Variants in LRP1B observed in about 807,000 individuals in gnomAD.
LRP1B encodes the protein LDL receptor related protein 1B, also known as low-density lipoprotein receptor-related protein 1B.
Under a neutral mutation model 556.6 loss-of-function variants are expected in LRP1B, and 217 were observed. The observed-to-expected ratio is 0.39, with a 90% CI of 0.35 to 0.44. LRP1B has a LOEUF of 0.44. Among genes scored for constraint, LRP1B ranks in the 20% least tolerant of loss-of-function variants. The probability of loss-of-function intolerance (pLI) is 1.00; values close to 1 mark genes in which losing one functional copy is unlikely to be tolerated. For missense variants in LRP1B, 5,053 were observed against 5,620.8 expected, an observed-to-expected ratio of 0.90 and a Z score of 3.23; for synonymous variants, 2,047 against 1,865.8, an observed-to-expected ratio of 1.10 and a Z score of -2.50.
chr2:140,261,189 A>G (rs1298223239), intron 86 of LRP1B, among the ~76,000 whole-genome samples: 1 of 151,868 alleles, frequency 6.6e-6, no homozygotes, highest in Admixed American at 6.6e-5. Flanking sequence ...TATTTTAGAG[A>G]AATTTTGGAA....
chr2:141,404,109 A>G (rs2104930155), intron 3 of LRP1B, among the ~76,000 whole-genome samples: 1 of 152,334 alleles, frequency 6.6e-6, no homozygotes, highest in Middle Eastern at 3.4e-3. Flanking sequence ...AAGTTAAGAT[A>G]AAAATATGGT....
chr2:140,483,642 T>TATATATA (rs1558913754), intron 59 of LRP1B, among the ~76,000 whole-genome samples: 4 of 61,038 alleles, frequency 6.6e-5, no homozygotes, highest in Non-Finnish European at 6.7e-5. Context: ...ATATATATAT[T>TATATATA]TTTTTTTTTT....
intron 2 of LRP1B, among the ~76,000 whole-genome samples, chr2:141,576,746 C>A (rs1289008741): frequency 1.6e-5 from 2 of 125,296 alleles, no homozygotes; most frequent in Non-Finnish European, 3.4e-5. Flanking sequence ...AGAGTGAGCC[C>A]CTGTCTCAAA....
chr2:142,027,103 A>C (rs1308777228), intron 1 of LRP1B, among the ~76,000 whole-genome samples: 1 of 151,982 alleles, frequency 6.6e-6, no homozygotes, highest in East Asian at 1.9e-4. Context: ...GGGAATCTGC[A>C]TGCGCTTTGT....
chr2:140,480,262 T>C (rs1171683884), intron 59 of LRP1B, among the ~76,000 whole-genome samples: 2 of 152,192 alleles, frequency 1.3e-5, no homozygotes, highest in Non-Finnish European at 2.9e-5. Flanking sequence ...ATTCCAACTA[T>C]AGTAAATGCT....
At chr2:140,865,704 T>C (rs1177219288) in intron 27 of LRP1B, among the ~76,000 whole-genome samples, 1 of 152,062 alleles carries the variant, frequency 6.6e-6, no homozygotes, top group Non-Finnish European at 1.5e-5. Flanking sequence ...ATTCTCTAAA[T>C]GTATTTAAAG....
chr2:141,104,271 T>A (rs944102399), intron 7 of LRP1B, among the ~76,000 whole-genome samples: 1 of 152,012 alleles, frequency 6.6e-6, no homozygotes, highest in South Asian at 2.1e-4. Flanking sequence ...AAATTTGAAT[T>A]TAAAATAATA....
At chr2:141,006,180 C>T (rs920506070) in intron 14 of LRP1B, among the ~76,000 whole-genome samples, 3 of 151,944 alleles carry the variant, frequency 2.0e-5, no homozygotes, top group Admixed American at 1.3e-4. Flanking sequence ...CGACAAGTAA[C>T]AATTGTTCAT....
intron 2 of LRP1B, among the ~76,000 whole-genome samples, chr2:141,542,224 A>G (rs1002852005): frequency 2.0e-5 from 3 of 152,026 alleles, no homozygotes; most frequent in African/African-American, 4.8e-5. Context: ...CTTTATATGT[A>G]TAATAAATAT....
intron 1 of LRP1B, among the ~76,000 whole-genome samples, chr2:141,900,121 C>T (rs1170295985): frequency 6.6e-6 from 1 of 152,102 alleles, no homozygotes; most frequent in East Asian, 1.9e-4. Context: ...AATTCAGTCC[C>T]AATCGATATG....
intron 58 of LRP1B, among the ~76,000 whole-genome samples, chr2:140,486,718 C>A (rs190819887): frequency 6.9e-4 from 105 of 151,918 alleles, no homozygotes; most frequent in African/African-American, 2.4e-3. Flanking sequence ...AAAATCTCAT[C>A]GGTTTATTTG....
intron 21 of LRP1B, 46 bp from the exon 22 acceptor site, chr2:140,908,123 C>G (rs2105232654): frequency 2.7e-6 from 4 of 1,493,976 alleles, no homozygotes; most frequent in Non-Finnish European, 9.3e-7. Flanking sequence ...GTGATTAGGT[C>G]ATTATGATAA....
At chr2:142,032,682 T>A (rs1323512118) in intron 1 of LRP1B, among the ~76,000 whole-genome samples, 6 of 151,858 alleles carry the variant, frequency 4.0e-5, no homozygotes, top group Admixed American at 3.9e-4. Flanking sequence ...CATACAGGGC[T>A]TTGAGCCATA....
chr2:141,520,245 C>A (rs1574040261), intron 2 of LRP1B, among the ~76,000 whole-genome samples: 1 of 152,050 alleles, frequency 6.6e-6, no homozygotes, highest in Admixed American at 6.6e-5. Context: ...CCAGTGATTT[C>A]AAAGAAAGAG....
chr2:141,383,351 C>T lies in LRP1B; in HGVS notation c.343+97045G>A, dbSNP rs116564459. On this transcript the variant is annotated intron_variant, in intron 3 of 90. Transcript: ENST00000389484. ...AACTACCATATATAATCCAGCAATC[C>T]CACTTCTGTGTATATATCCAAAGGA... Among the ~76,000 whole-genome samples, 623 of 152,138 alleles carry T rather than the reference C, an allele frequency of 4.1e-3. 7 individuals carry two copies. The highest frequency in any genetic ancestry group is 0.014 in the African/African-American group (596 of 41,516).
intron 5 of LRP1B, among the ~76,000 whole-genome samples, chr2:141,240,301 G>T (rs1401308): frequency 0.11 from 16,755 of 151,820 alleles, 1,019 homozygotes; most frequent in East Asian, 0.16. Context: ...TTTTTTTTCA[G>T]TCCCTGTTGA....
rs545634695 is a variant in LRP1B, at chr2:141,720,945, T to C, written c.205+89334A>G. On this transcript the variant is annotated intron_variant, in intron 2 of 90. Coordinates refer to ENST00000389484, the MANE Select transcript of LRP1B (RefSeq NM_018557.3). ...TACTTTAATTATTGCATTAAGATCA[T>C]TGAAAGATAATCAAGAGGATGTTCT... 3.3e-5 allele frequency among the ~76,000 whole-genome samples: 5 copies of C among 152,272 alleles called. No individual in the cohort carries two copies. In the South Asian group the frequency reaches 1.0e-3, roughly 32 times the overall value.
rs185513934 is a variant in LRP1B at position 141,670,657 on chromosome 2, T to G, written c.205+139622A>C. Among the ~76,000 whole-genome samples the G allele has an allele frequency of 3.5e-3, 528 of 152,350 alleles. 4 individuals are homozygous for G. Among genetic ancestry groups the G allele is most frequent in the African/African-American group, 0.012 (483 of 41,582 alleles). ...AGACTTATCTGGTAAAATCAGTGGTTGTTGTAGACATATTAAAACAATAAA... is the reference window on the plus strand; with the variant it reads ...AGACTTATCTGGTAAAATCAGTGGTGGTTGTAGACATATTAAAACAATAAA... On this transcript the variant is annotated intron_variant, in intron 2 of 90. Transcript: ENST00000389484.
chr2:140,804,074 A>G (rs1287485886), intron 32 of LRP1B, among the ~76,000 whole-genome samples: 1 of 151,844 alleles, frequency 6.6e-6, no homozygotes, highest in East Asian at 1.9e-4. Context: ...AAGCTTTGAA[A>G]AAAAAAAATC....
Sources: allele counts gnomAD v4.1 joint callset (sites outside exome capture counted in the v4.1 genomes callset), GRCh38; gene constraint gnomAD v4.1.1; transcripts MANE v1.5; gene names NCBI Gene and HGNC (gene_info 2026-07-23, HGNC 2026-07-21).